RYR2: variants seen among roughly 807,000 people sequenced by gnomAD.
The protein encoded by RYR2 is ryanodine receptor 2, also known as cardiac muscle ryanodine receptor-calcium release channel.
Under a neutral mutation model 601.1 loss-of-function variants are expected in RYR2, and 227 were observed. The ratio of observed to expected loss-of-function variants is 0.38; its 90% confidence interval spans 0.34 to 0.42. The LOEUF is 0.42. RYR2 is among the 10% of genes least tolerant of loss of function. The pLI, the probability that RYR2 is intolerant of heterozygous loss-of-function variation, is 1.00. For missense variants in RYR2, 4,646 were observed against 6,156.5 expected (o/e 0.75, Z 8.21); for synonymous variants, 2,223 against 2,175.1 (o/e 1.02, Z -0.61).
intron 1 of RYR2, among the ~76,000 whole-genome samples, chr1:237,193,293 G>A (rs980134708): frequency 6.6e-6 from 1 of 151,644 alleles, no homozygotes; most frequent in Admixed American, 6.6e-5. Flanking sequence ...GTGAAACCCC[G>A]TCTCTACTAA....
intron 6 of RYR2, among the ~76,000 whole-genome samples, chr1:237,371,660 C>A (rs142513578): frequency 2.6e-5 from 4 of 152,168 alleles, no homozygotes; most frequent in African/African-American, 9.7e-5. Context: ...ATCAATAACA[C>A]TATCCAACTG....
intron 25 of RYR2, among the ~76,000 whole-genome samples, chr1:237,537,022 C>G (rs1668713576): frequency 6.6e-6 from 1 of 152,084 alleles, no homozygotes; most frequent in South Asian, 2.1e-4. Flanking sequence ...ATGAAAGACA[C>G]TCAACTTCAG....
chr1:237,632,317 A>T (rs1680417836), intron 42 of RYR2, among the ~76,000 whole-genome samples: 1 of 151,898 alleles, frequency 6.6e-6, no homozygotes, highest in Admixed American at 6.6e-5. Context: ...GGTTTCACTT[A>T]ATTTCCAATC....
At chr1:237,790,947 T>G (rs946519364) in intron 92 of RYR2, among the ~76,000 whole-genome samples, 7 of 151,046 alleles carry the variant, frequency 4.6e-5, no homozygotes, top group Non-Finnish European at 7.4e-5. Context: ...CTTCTCACTG[T>G]GTTTCCTTCT....
At chr1:237,283,429 G>A (rs1258300306) in intron 2 of RYR2, among the ~76,000 whole-genome samples, 1 of 151,932 alleles carries the variant, frequency 6.6e-6, no homozygotes, top group Non-Finnish European at 1.5e-5. Context: ...TTACTTTGGC[G>A]TTTCTCAAAT....
chr1:237,773,560 A>T lies in RYR2; in HGVS notation c.11687A>T (p.Asp3896Val). ...TTTTATTGGTATTACTCTGGGAAAGATGTTATTGATGAACAAGGACAACGG... is the reference window on the plus strand; with the variant it reads ...TTTTATTGGTATTACTCTGGGAAAGTTGTTATTGATGAACAAGGACAACGG... ...SDFYWYYSGK[D>V]VIDEQGQRNF... Residue 3896 changes from aspartate (D) to valine (V), a missense_variant, in exon 87 of 105, where the codon GAT becomes GTT. Around this residue, in one of 17 missense-constraint regions of RYR2, gnomAD observed 90 missense variants for 213.3 expected, o/e 0.42. Coordinates refer to ENST00000366574, the MANE Select transcript of RYR2 (RefSeq NM_001035.3). 6.3e-7 allele frequency: 1 copy of T among 1,596,780 alleles called. No individual in the cohort carries two copies.
At chr1:237,406,473 A>G (rs527997594) in intron 10 of RYR2, among the ~76,000 whole-genome samples, 24 of 152,030 alleles carry the variant, frequency 1.6e-4, no homozygotes, top group Admixed American at 5.2e-4. Flanking sequence ...GAATAGAAAG[A>G]TAATAGTTCT....
intron 17 of RYR2, among the ~76,000 whole-genome samples, chr1:237,485,290 T>C (rs1662562491): frequency 6.6e-6 from 1 of 152,206 alleles, no homozygotes; most frequent in Non-Finnish European, 1.5e-5. Flanking sequence ...TTAAACAGAA[T>C]GTGAGAACCA....
chr1:237,053,136 C>T (rs137955484), intron 1 of RYR2, among the ~76,000 whole-genome samples: 19 of 152,228 alleles, frequency 1.2e-4, no homozygotes, highest in African/African-American at 3.1e-4. Flanking sequence ...TGTGAGCCAC[C>T]GCACCCAACC....
At chr1:237,500,991 C>A in intron 21 of RYR2, 88 bp downstream of exon 21, 1 of 1,268,280 alleles carries the variant, frequency 7.9e-7, no homozygotes, top group Non-Finnish European at 1.1e-6. Flanking sequence ...CCCTTCTTCT[C>A]TAACCATTGT....
chr1:237,151,385 G>T (rs1233232017), intron 1 of RYR2, among the ~76,000 whole-genome samples: 1 of 152,154 alleles, frequency 6.6e-6, no homozygotes, highest in Non-Finnish European at 1.5e-5. Flanking sequence ...TAGAGAAAAT[G>T]ACTCTTAGCG....
chr1:237,827,936 C>CAAAA lies in RYR2; in HGVS notation c.14591-418_14591-415dup, dbSNP rs58421624. On this transcript the variant is annotated intron_variant, in intron 101 of 104. Coordinates refer to ENST00000366574, the MANE Select transcript of RYR2 (RefSeq NM_001035.3). ...TGGGTGACAGAATGAGACTCCGTCTCAAAAAAAAAAAAAAAAAAAAAAAAA... is the reference window on the plus strand; with the variant it reads ...TGGGTGACAGAATGAGACTCCGTCTCAAAAAAAAAAAAAAAAAAAAAAAAAAAAA... 3.0e-4 allele frequency among the ~76,000 whole-genome samples: 21 copies of CAAAA among 69,316 alleles called. 1 individual carries two copies. Among genetic ancestry groups the CAAAA allele is most frequent in the Non-Finnish European group, 5.1e-4 (17 of 33,216 alleles). 45.5% of individuals were successfully genotyped at this position (69,316 alleles called of 152,430 possible). A position where few individuals can be genotyped will look rare whatever the true frequency, so the allele number is the denominator to read the frequency against.
At chr1:237,197,610 T>C (rs1336796079) in intron 1 of RYR2, among the ~76,000 whole-genome samples, 2 of 152,186 alleles carry the variant, frequency 1.3e-5, no homozygotes, top group Admixed American at 1.3e-4. Flanking sequence ...AATAGGAGCA[T>C]ATCATAGTTG....
Position 237,783,691 on chromosome 1 carries a change from A to G in RYR2, c.11979A>G (p.Gly3993=). Residue 3993 remains glycine, a synonymous_variant, in exon 90 of 105, where the codon GGA becomes GGG. Transcript: ENST00000366574. ...LSMLEGNVVN[G]TIGKQMVDML... is the part of the protein sequence containing the mutation. The stretch of plus-strand genomic sequence containing the variant: ...TACCACCAGGTAATGTTGTTAATGG[A>G]ACGATTGGCAAACAGATGGTGGATA... 1 of 1,603,760 alleles carries G rather than the reference A, an allele frequency of 6.2e-7. No individual in the cohort carries two copies.
At chr1:237,553,947 A>C (rs191789939) in intron 27 of RYR2, among the ~76,000 whole-genome samples, 1 of 151,912 alleles carries the variant, frequency 6.6e-6, no homozygotes, top group African/African-American at 2.4e-5. Flanking sequence ...ATACATAATC[A>C]TGAGGTCTGC....
At chr1:237,678,871 C>T (rs1408243187) in intron 61 of RYR2, among the ~76,000 whole-genome samples, 1 of 152,198 alleles carries the variant, frequency 6.6e-6, no homozygotes, top group Non-Finnish European at 1.5e-5. Flanking sequence ...TTACTGCTGT[C>T]TGCTTCCTTT....
chr1:237,551,201 C>T (rs904514148), intron 27 of RYR2, among the ~76,000 whole-genome samples: 9 of 152,170 alleles, frequency 5.9e-5, no homozygotes, highest in African/African-American at 2.2e-4. Flanking sequence ...AAAGGTTCTG[C>T]AAAGAATACA....
chr1:237,312,760 G>A (rs1433952892), intron 2 of RYR2, among the ~76,000 whole-genome samples: 2 of 152,186 alleles, frequency 1.3e-5, no homozygotes, highest in Admixed American at 6.5e-5. Context: ...GAAATGTCAT[G>A]TGGTTAGTTT....
rs536013763 is a variant in RYR2 at position 237,792,761 on chromosome 1, T to C, written c.13782+438T>C. ...CACATAGAGAATTTCGCCTATAACTTGGCCCTACAGAAGTGAGCTCACCCA... is the reference window on the plus strand; with the variant it reads ...CACATAGAGAATTTCGCCTATAACTCGGCCCTACAGAAGTGAGCTCACCCA... On this transcript the variant is annotated intron_variant, in intron 94 of 104. Coordinates refer to ENST00000366574, the MANE Select transcript of RYR2 (RefSeq NM_001035.3). Among the ~76,000 whole-genome samples, 51 of 152,346 alleles carry C rather than the reference T, an allele frequency of 3.3e-4. 2 individuals are homozygous for C. In the South Asian group the frequency reaches 9.7e-3, roughly 29 times the overall value.
Sources: gnomAD v4.1 joint callset for allele counts (sites outside exome capture counted in the v4.1 genomes callset) on GRCh38, gnomAD v4.1.1 for gene constraint, gnomAD v4.1.1 regional missense constraint, MANE v1.5 for transcripts, NCBI Gene and HGNC (gene_info 2026-07-23, HGNC 2026-07-21) for gene names.